NALF1: variants seen among roughly 807,000 people sequenced by gnomAD.
NALF1 encodes NALCN channel auxiliary factor 1.
Under a neutral mutation model 48.4 loss-of-function variants are expected in NALF1, and 3 were observed. That is an observed-to-expected ratio of 0.06 (90% CI 0.03 to 0.16). NALF1 has a LOEUF of 0.16. Among genes scored for constraint, NALF1 ranks in the 10% least tolerant of loss-of-function variants. The pLI is 1.00. For missense variants in NALF1, 526 were observed against 571.5 expected (o/e 0.92, Z 0.81); for synonymous variants, 262 against 245.7 (o/e 1.07, Z -0.62).
At chr13:107,840,760 A>C (rs899003297) in intron 1 of NALF1, among the ~76,000 whole-genome samples, 2 of 152,178 alleles carry the variant, frequency 1.3e-5, no homozygotes, top group Non-Finnish European at 2.9e-5. Flanking sequence ...TTTTCAGTAC[A>C]TCAAACCCAT....
chr13:107,471,239 T>C (rs1594080966), intron 1 of NALF1, among the ~76,000 whole-genome samples: 1 of 151,552 alleles, frequency 6.6e-6, no homozygotes, highest in South Asian at 2.1e-4. Flanking sequence ...GATCATCAAA[T>C]TGGCAATTTT....
At chr13:107,537,141 A>G (rs1289410564) in intron 1 of NALF1, among the ~76,000 whole-genome samples, 1 of 152,138 alleles carries the variant, frequency 6.6e-6, no homozygotes, top group East Asian at 1.9e-4. Context: ...ATGACGAGTT[A>G]ATGGGTGCAG....
At chr13:107,695,517 C>A (rs1881678557) in intron 1 of NALF1, among the ~76,000 whole-genome samples, 2 of 152,134 alleles carry the variant, frequency 1.3e-5, no homozygotes, top group South Asian at 4.1e-4. Context: ...AATGATTTTG[C>A]TTATTCCTTC....
intron 1 of NALF1, among the ~76,000 whole-genome samples, chr13:107,380,946 C>A (rs1338480472): frequency 1.4e-5 from 2 of 147,206 alleles, no homozygotes; most frequent in Admixed American, 1.4e-4. Context: ...CCACTGCACT[C>A]CAGCCTGTGC....
At chr13:107,227,738 C>G (rs1248155271) in intron 1 of NALF1, among the ~76,000 whole-genome samples, 1 of 152,158 alleles carries the variant, frequency 6.6e-6, no homozygotes, top group Non-Finnish European at 1.5e-5. Context: ...AGTGAGAAAG[C>G]CTTCAGCATT....
intron 1 of NALF1, among the ~76,000 whole-genome samples, chr13:107,314,855 G>T (rs1165459661): frequency 6.6e-6 from 1 of 152,156 alleles, no homozygotes; most frequent in African/African-American, 2.4e-5. Flanking sequence ...ATGAACTGAC[G>T]AGTGAAAGCT....
At chr13:107,185,157 C>T (rs1426066502) in intron 2 of NALF1, among the ~76,000 whole-genome samples, 1 of 152,148 alleles carries the variant, frequency 6.6e-6, no homozygotes, top group Non-Finnish European at 1.5e-5. Context: ...GAGAGGCCTC[C>T]AGAACAGATG....
chr13:107,336,105 A>C (rs895740390), intron 1 of NALF1, among the ~76,000 whole-genome samples: 1 of 152,072 alleles, frequency 6.6e-6, no homozygotes, highest in East Asian at 1.9e-4. Context: ...TAATAACAGC[A>C]CTTTGGGAGG....
At chr13:107,530,138 C>T (rs1327040066) in intron 1 of NALF1, among the ~76,000 whole-genome samples, 1 of 152,036 alleles carries the variant, frequency 6.6e-6, no homozygotes, top group Non-Finnish European at 1.5e-5. Context: ...TCTCTCTCCA[C>T]CCTGGGACAC....
At chr13:107,496,578 C>T (rs866766615) in intron 1 of NALF1, among the ~76,000 whole-genome samples, 16 of 152,202 alleles carry the variant, frequency 1.1e-4, no homozygotes, top group African/African-American at 2.2e-4. Flanking sequence ...ACATGTAAAA[C>T]GATGTGCTAA....
At chr13:107,815,595 TAGTC>T (rs1405130345) in intron 1 of NALF1, among the ~76,000 whole-genome samples, 1 of 152,118 alleles carries the variant, frequency 6.6e-6, no homozygotes, top group Admixed American at 6.6e-5. Flanking sequence ...GTTCCTGAAA[TAGTC>T]AGAGTTTCCA....
At chr13:107,816,768 G>A (rs541541636) in intron 1 of NALF1, among the ~76,000 whole-genome samples, 84 of 152,026 alleles carry the variant, frequency 5.5e-4, no homozygotes, top group Non-Finnish European at 1.1e-3. Context: ...TAAATTAAAC[G>A]TACAACAGAA....
At chr13:107,435,760 G>C (rs1884453876) in intron 1 of NALF1, among the ~76,000 whole-genome samples, 1 of 151,180 alleles carries the variant, frequency 6.6e-6, no homozygotes, top group South Asian at 2.1e-4. Flanking sequence ...TAACAAAAGA[G>C]TGTGAGAAAG....
At chr13:107,703,993 C>T (rs1007610166) in intron 1 of NALF1, among the ~76,000 whole-genome samples, 1 of 152,086 alleles carries the variant, frequency 6.6e-6, no homozygotes, top group African/African-American at 2.4e-5. Flanking sequence ...GTTTGGCTGT[C>T]TATAGAATGC....
chr13:107,798,887 A>C (rs1455650062), intron 1 of NALF1, among the ~76,000 whole-genome samples: 1 of 152,224 alleles, frequency 6.6e-6, no homozygotes, highest in Non-Finnish European at 1.5e-5. Flanking sequence ...AATAGAAATA[A>C]CAGTAAACAC....
intron 1 of NALF1, among the ~76,000 whole-genome samples, chr13:107,738,850 G>A (rs938958642): frequency 4.6e-5 from 7 of 151,992 alleles, no homozygotes; most frequent in Admixed American, 2.6e-4. Context: ...TTTTAGTAGA[G>A]ATGGGGTTTC....
At chr13:107,773,891 AT>A (rs1877652547) in intron 1 of NALF1, among the ~76,000 whole-genome samples, 1 of 152,204 alleles carries the variant, frequency 6.6e-6, no homozygotes, top group African/African-American at 2.4e-5. Context: ...TAATAAAAAA[AT>A]AAAATGAGTG....
At chr13:107,264,079 T>C (rs1880990592) in intron 1 of NALF1, among the ~76,000 whole-genome samples, 1 of 152,222 alleles carries the variant, frequency 6.6e-6, no homozygotes, top group Non-Finnish European at 1.5e-5. Flanking sequence ...TGTCTTTAAA[T>C]CTTTTTCTCC....
chr13:107,704,576 A>ATAGG (rs1267264378), intron 1 of NALF1, among the ~76,000 whole-genome samples: 2 of 152,038 alleles, frequency 1.3e-5, no homozygotes, highest in Non-Finnish European at 2.9e-5. Context: ...ATTTTGAGCC[A>ATAGG]GTTTTATACA....
Sources: allele counts gnomAD v4.1 joint callset (sites outside exome capture counted in the v4.1 genomes callset), GRCh38; gene constraint gnomAD v4.1.1; transcripts MANE v1.5; gene names NCBI Gene and HGNC (gene_info 2026-07-23, HGNC 2026-07-21).